Variants in TNR observed in about 807,000 individuals in gnomAD.
The protein encoded by TNR is tenascin R, also known as tenascin-R.
Under a neutral mutation model 150.4 loss-of-function variants are expected in TNR, and 45 were observed. The observed-to-expected ratio is 0.30, with a 90% CI of 0.24 to 0.38. The LOEUF (loss-of-function observed/expected upper bound fraction) is 0.38. TNR is among the 10% of genes least tolerant of loss of function. The pLI, the probability that TNR is intolerant of heterozygous loss-of-function variation, is 1.00. For synonymous variants in TNR, 687 were observed against 678.4 expected, an observed-to-expected ratio of 1.01 and a Z score of -0.20; for missense variants, 1,544 against 1,759.1, an observed-to-expected ratio of 0.88 and a Z score of 2.19.
chr1:175,366,134 A>G lies in TNR; in HGVS notation c.2058T>C (p.Leu686=), dbSNP rs1441736719. The G allele has an allele frequency of 2.5e-6, 4 of 1,599,632 alleles. No homozygotes were observed. Among genetic ancestry groups the G allele is most frequent in the East Asian group, 2.2e-5 (1 of 44,680 alleles). Reference sequence around the variant, plus strand: ...TCACCATGAGGTCTCGGGGACTGTCAAGTTCTGTGGATTGACATAAATGGC... The same window carrying G: ...TCACCATGAGGTCTCGGGGACTGTCGAGTTCTGTGGATTGACATAAATGGC... The part of the protein sequence containing the change: ...VPATMNARTE[L]DSPRDLMVTA... The change falls in exon 11 of 23, where the codon CTT becomes CTC. Residue 686 remains leucine, a synonymous_variant. Coordinates refer to ENST00000367674, the MANE Select transcript of TNR (RefSeq NM_003285.3).
chr1:175,677,859 G>A (rs530858073), intron 1 of TNR, among the ~76,000 whole-genome samples: 23 of 152,120 alleles, frequency 1.5e-4, no homozygotes, highest in Admixed American at 2.6e-4. Flanking sequence ...AAGGGCTACC[G>A]AAATGAAAGG....
intron 2 of TNR, among the ~76,000 whole-genome samples, chr1:175,438,229 C>A (rs897955514): frequency 3.3e-5 from 5 of 152,102 alleles, no homozygotes; most frequent in South Asian, 2.1e-4. Flanking sequence ...TCAACATATG[C>A]AAATCAATAA....
chr1:175,542,997 A>G (rs1372597209), intron 1 of TNR, among the ~76,000 whole-genome samples: 2 of 152,192 alleles, frequency 1.3e-5, no homozygotes, highest in Non-Finnish European at 2.9e-5. Context: ...ACAACCATGC[A>G]GTCACAGTGC....
intron 1 of TNR, among the ~76,000 whole-genome samples, chr1:175,591,747 C>T (rs774708938): frequency 2.0e-5 from 3 of 152,204 alleles, no homozygotes; most frequent in Non-Finnish European, 4.4e-5. Context: ...CAAATATTCC[C>T]ATTCTCTAAC....
intron 1 of TNR, among the ~76,000 whole-genome samples, chr1:175,742,444 C>T (rs1667956099): frequency 6.6e-6 from 1 of 152,164 alleles, no homozygotes. Flanking sequence ...CCACCCATAG[C>T]CAAAGATGGC....
chr1:175,389,133 C>T (rs985493189), intron 7 of TNR, among the ~76,000 whole-genome samples: 2 of 152,188 alleles, frequency 1.3e-5, no homozygotes, highest in African/African-American at 4.8e-5. Context: ...TCATCACAGA[C>T]ACTCCAAAAT....
chr1:175,644,198 A>C (rs1441507502), intron 1 of TNR, among the ~76,000 whole-genome samples: 1 of 152,202 alleles, frequency 6.6e-6, no homozygotes, highest in Non-Finnish European at 1.5e-5. Context: ...CAATTTATGA[A>C]AATGTGCATC....
In TNR at chr1:175,518,943, G is replaced by A. The variant is rs796244359; in HGVS notation, c.-64+9326C>T. Among the ~76,000 whole-genome samples, 12 of 152,218 alleles carry A rather than the reference G, an allele frequency of 7.9e-5. 1 individual carries two copies. The highest frequency in any genetic ancestry group is 2.9e-4 in the African/African-American group (12 of 41,548). On this transcript the variant is annotated intron_variant, in intron 2 of 22. Coordinates refer to ENST00000367674, the MANE Select transcript of TNR (RefSeq NM_003285.3). The stretch of plus-strand genomic sequence containing the variant: ...CAAGAACCTGGCCACCTTTGATAAA[G>A]CTACAGGCATCTCTATTATACACTG...
At chr1:175,582,178 A>C (rs1338478662) in intron 1 of TNR, among the ~76,000 whole-genome samples, 1 of 152,230 alleles carries the variant, frequency 6.6e-6, no homozygotes, top group Non-Finnish European at 1.5e-5. Flanking sequence ...TTCACCTTTG[A>C]AACTAGACCA....
chr1:175,477,163 G>A (rs1041336780), intron 2 of TNR, among the ~76,000 whole-genome samples: 2 of 152,032 alleles, frequency 1.3e-5, no homozygotes, highest in African/African-American at 4.8e-5. Flanking sequence ...ACAGATTTGA[G>A]GTATTATTAT....
At chr1:175,542,641 T>C (rs1485388465) in intron 1 of TNR, among the ~76,000 whole-genome samples, 1 of 152,214 alleles carries the variant, frequency 6.6e-6, no homozygotes. Flanking sequence ...GATGCAAACA[T>C]TGACAAGCAA....
intron 1 of TNR, among the ~76,000 whole-genome samples, chr1:175,687,760 C>A (rs1193172071): frequency 6.6e-6 from 1 of 151,916 alleles, no homozygotes; most frequent in Non-Finnish European, 1.5e-5. Flanking sequence ...GAGGCAGATG[C>A]CCTGTCAGGA....
At chr1:175,488,930 C>A (rs543248879) in intron 2 of TNR, among the ~76,000 whole-genome samples, 1 of 152,108 alleles carries the variant, frequency 6.6e-6, no homozygotes, top group Middle Eastern at 3.2e-3. Flanking sequence ...GAACAGTAAT[C>A]CTGAGGACAA....
chr1:175,575,412 C>A (rs747031342), intron 1 of TNR, among the ~76,000 whole-genome samples: 24 of 152,318 alleles, frequency 1.6e-4, no homozygotes, highest in African/African-American at 5.5e-4. Context: ...TATGTGCAAG[C>A]CTTGTGCTAG....
chr1:175,650,869 T>A (rs1664953299), intron 1 of TNR, among the ~76,000 whole-genome samples: 2 of 89,968 alleles, frequency 2.2e-5, no homozygotes, highest in Non-Finnish European at 4.4e-5. Flanking sequence ...CCCACCTCAT[T>A]CCTCCTCCTC....
intron 1 of TNR, among the ~76,000 whole-genome samples, chr1:175,636,092 C>A (rs1052189815): frequency 2.6e-5 from 4 of 152,078 alleles, no homozygotes; most frequent in Non-Finnish European, 5.9e-5. Context: ...GATGGATCAT[C>A]CTTATGTTAT....
At chr1:175,443,501 T>C (rs1190714598) in intron 2 of TNR, among the ~76,000 whole-genome samples, 2 of 152,196 alleles carry the variant, frequency 1.3e-5, no homozygotes, top group East Asian at 3.9e-4. Flanking sequence ...TTCTGTGTGC[T>C]TAGCTCTGTG....
chr1:175,555,515 G>GGAAAAAA lies in TNR; in HGVS notation c.-164-27147_-164-27146insTTTTTTC, dbSNP rs771916145. ...AGTGCTGACTCACCGACAACTGAGA[G>GGAAAAAA]AAAAAAAAAAAAAAAAAAATCTCCT... On this transcript the variant is annotated intron_variant, in intron 1 of 22. Transcript: ENST00000367674. Among the ~76,000 whole-genome samples the GGAAAAAA allele has an allele frequency of 8.6e-3, 1,097 of 127,852 alleles. 16 individuals are homozygous for GGAAAAAA. Among genetic ancestry groups the GGAAAAAA allele is most frequent in the African/African-American group, 0.028 (953 of 34,052 alleles). 83.9% of individuals were successfully genotyped at this position (127,852 alleles called of 152,430 possible).
At chr1:175,566,921 A>T (rs1402713652) in intron 1 of TNR, among the ~76,000 whole-genome samples, 1 of 152,180 alleles carries the variant, frequency 6.6e-6, no homozygotes, top group Non-Finnish European at 1.5e-5. Context: ...GCATCAAATC[A>T]TGTCTGCAGC....
Sources: allele counts gnomAD v4.1 joint callset (sites outside exome capture counted in the v4.1 genomes callset), GRCh38; gene constraint gnomAD v4.1.1; transcripts MANE v1.5; gene names NCBI Gene and HGNC (gene_info 2026-07-23, HGNC 2026-07-21).